The following NEO1 variants were observed in gnomAD, a reference collection of about 807,000 sequenced individuals.
NEO1 encodes the protein neogenin.
A neutral mutation model predicts 159.7 loss-of-function variants in NEO1; 63 were observed. The ratio of observed to expected loss-of-function variants is 0.39; its 90% CI spans 0.32 to 0.49. The LOEUF (loss-of-function observed/expected upper bound fraction) is 0.49, where lower values mean the gene tolerates loss of function less well. Among genes scored for constraint, NEO1 ranks in the 20% least tolerant of loss-of-function variants. The pLI is 0.85. For missense variants in NEO1, 1,615 were observed against 1,831.0 expected (o/e 0.88, Z 2.15); for synonymous variants, 633 against 662.0 (o/e 0.96, Z 0.67).
In NEO1 at chr15:73,137,188, A is replaced by T. The variant is rs184246359; in HGVS notation, c.1015+1161A>T. ...GCCAAGCTGAACACCTGAATAATAC[A>T]ATTACTCTCAGATTGGCAACCAAGT... On this transcript the variant is annotated intron_variant, in intron 5 of 28. Transcript: ENST00000261908. 1.3e-3 allele frequency among the ~76,000 whole-genome samples: 193 copies of T among 152,300 alleles called. 1 individual carries two copies. Among genetic ancestry groups the T allele is most frequent in the Admixed American group, 3.6e-3 (55 of 15,308 alleles).
chr15:73,274,685 C>T lies in NEO1; in HGVS notation c.3161-7C>T, dbSNP rs1229793384. 6.2e-7 allele frequency: 1 copy of T among 1,613,844 alleles called. No individual in the cohort carries two copies. Among genetic ancestry groups the T allele is most frequent in the Non-Finnish European group, 8.5e-7 (1 of 1,179,886 alleles). ...TGTTTTTTCTTCCCCTGTGCTTGGC[C>T]TGTTAGCGGACTCCTCTGATAAAAT... On this transcript the variant is annotated splice_polypyrimidine_tract_variant and splice_region_variant and intron_variant, in intron 20 of 28. Transcript: ENST00000261908.
intron 7 of NEO1, among the ~76,000 whole-genome samples, chr15:73,227,042 A>G (rs1019803933): frequency 5.3e-5 from 8 of 152,208 alleles, no homozygotes; most frequent in Non-Finnish European, 1.0e-4. Context: ...TTTCAAATAC[A>G]TGTATTGGTT....
chr15:73,271,925 A>C (rs1012163750), intron 18 of NEO1, among the ~76,000 whole-genome samples: 3 of 141,834 alleles, frequency 2.1e-5, no homozygotes, highest in Non-Finnish European at 3.1e-5. Flanking sequence ...AAAAAAAAAA[A>C]CAGCTATATT....
chr15:73,247,181 C>T (rs531585374), intron 9 of NEO1, among the ~76,000 whole-genome samples: 15 of 152,260 alleles, frequency 9.9e-5, no homozygotes, highest in African/African-American at 3.6e-4. Context: ...GAAGCAGTTT[C>T]TGAAGAGAGA....
intron 2 of NEO1, among the ~76,000 whole-genome samples, chr15:73,122,091 A>ATATG (rs1218590041): frequency 9.5e-6 from 1 of 105,498 alleles, no homozygotes; most frequent in Non-Finnish European, 2.0e-5. Flanking sequence ...ATATATATAT[A>ATATG]TATACACATT....
intron 7 of NEO1, among the ~76,000 whole-genome samples, chr15:73,186,276 T>C (rs1346787882): frequency 2.0e-5 from 3 of 151,352 alleles, no homozygotes; most frequent in African/African-American, 7.3e-5. Context: ...CCAATTTTAG[T>C]ATTAGTGTAT....
At chr15:73,161,820 C>T (rs747004801) in intron 5 of NEO1, 1 of 285,694 alleles carries the variant, frequency 3.5e-6, no homozygotes, top group Admixed American at 4.1e-5. Context: ...ACCTCCTGGT[C>T]AGTCTTCCAG....
At chr15:73,181,156 C>T (rs2035585536) in intron 7 of NEO1, among the ~76,000 whole-genome samples, 1 of 152,038 alleles carries the variant, frequency 6.6e-6, no homozygotes, top group Admixed American at 6.6e-5. Flanking sequence ...CAAAGGAAGA[C>T]CTGGATCAAT....
At position 73,271,201 on chromosome 15, in the gene NEO1, C is replaced by A. The variant is rs560975510; in HGVS notation, c.2857+747C>A. 1.8e-4 allele frequency among the ~76,000 whole-genome samples: 27 copies of A among 152,302 alleles called. 1 individual carries two copies. In the East Asian group the frequency reaches 5.0e-3, roughly 28 times the overall value. ...GGTTGGATTTGAAGAGTTAGAAATA[C>A]AGTACATCAAAGTTTAAATAGACCT... On this transcript the variant is annotated intron_variant, in intron 18 of 28. Coordinates refer to ENST00000261908, the MANE Select transcript of NEO1 (RefSeq NM_002499.4).
intron 8 of NEO1, 66 bp downstream of exon 8, chr15:73,236,572 C>A: frequency 1.4e-6 from 2 of 1,450,906 alleles, no homozygotes; most frequent in Non-Finnish European, 1.9e-6. Flanking sequence ...TCATGCTCAC[C>A]CTGGCTCTTG....
intron 1 of NEO1, among the ~76,000 whole-genome samples, chr15:73,080,448 G>A (rs988749729): frequency 1.3e-5 from 2 of 152,120 alleles, no homozygotes; most frequent in African/African-American, 2.4e-5. Context: ...CTAGGATCTG[G>A]GAGAGGCTCT....
chr15:73,161,062 G>C (rs1365602506), intron 5 of NEO1, among the ~76,000 whole-genome samples: 1 of 152,112 alleles, frequency 6.6e-6, no homozygotes, highest in East Asian at 1.9e-4. Context: ...AGATTTAGGG[G>C]CTCTGTGTCA....
chr15:73,138,583 C>T (rs2032022401), intron 5 of NEO1, among the ~76,000 whole-genome samples: 2 of 151,922 alleles, frequency 1.3e-5, no homozygotes, highest in Admixed American at 1.3e-4. Context: ...GGTGAAACCC[C>T]GTCTCTACTA....
chr15:73,075,555 G>T (rs1212667597), intron 1 of NEO1, among the ~76,000 whole-genome samples: 1 of 152,094 alleles, frequency 6.6e-6, no homozygotes, highest in Non-Finnish European at 1.5e-5. Context: ...GAAACAGATT[G>T]GACTTGGGGG....
intron 25 of NEO1, among the ~76,000 whole-genome samples, chr15:73,290,350 C>T (rs991007950): frequency 1.4e-5 from 2 of 147,024 alleles, no homozygotes; most frequent in Non-Finnish European, 3.0e-5. Flanking sequence ...AAGCAATTCT[C>T]CTGCCTCGGC....
At chr15:73,214,761 T>G (rs1478293446) in intron 7 of NEO1, among the ~76,000 whole-genome samples, 1 of 152,178 alleles carries the variant, frequency 6.6e-6, no homozygotes, top group Non-Finnish European at 1.5e-5. Context: ...TGTGGGCTTT[T>G]TTGTTTGTTT....
intron 18 of NEO1, among the ~76,000 whole-genome samples, chr15:73,271,247 A>G (rs1221398557): frequency 1.3e-5 from 2 of 152,224 alleles, no homozygotes; most frequent in South Asian, 2.1e-4. Context: ...TTCTTTGCCA[A>G]CCATTTTAAG....
At chr15:73,290,937 A>G (rs1373533031) in intron 25 of NEO1, among the ~76,000 whole-genome samples, 2 of 152,224 alleles carry the variant, frequency 1.3e-5, no homozygotes, top group African/African-American at 2.4e-5. Flanking sequence ...CTCTCCCACA[A>G]ACACTGTACA....
intron 1 of NEO1, among the ~76,000 whole-genome samples, chr15:73,114,357 G>A (rs769183625): frequency 1.3e-5 from 2 of 152,160 alleles, no homozygotes; most frequent in Non-Finnish European, 2.9e-5. Flanking sequence ...AAAAGGCAAC[G>A]GCAAGCCTTT....
Sources: gnomAD v4.1 joint callset for allele counts (sites outside exome capture counted in the v4.1 genomes callset) on GRCh38, gnomAD v4.1.1 for gene constraint, MANE v1.5 for transcripts, NCBI Gene and HGNC (gene_info 2026-07-23, HGNC 2026-07-21) for gene names.